Variants in SLC25A20 observed in about 807,000 individuals in gnomAD.
The protein encoded by SLC25A20 is mitochondrial carnitine/acylcarnitine carrier protein.
A neutral mutation model predicts 39.7 loss-of-function variants in SLC25A20; 29 were observed. The ratio of observed to expected loss-of-function variants is 0.73; its 90% CI spans 0.54 to 1.00. The LOEUF (loss-of-function observed/expected upper bound fraction) is 1.00, where lower values mean the gene tolerates loss of function less well. Ranked by LOEUF, SLC25A20 falls within the 50% of genes least tolerant of loss-of-function variation. The pLI is 0.00. For synonymous variants in SLC25A20, 103 were observed against 142.2 expected (o/e 0.72, Z 1.96); for missense variants, 333 against 379.9 (o/e 0.88, Z 1.03).
chr3:48,892,755 T>C (rs2083886436), intron 1 of SLC25A20, among the ~76,000 whole-genome samples: 3 of 152,166 alleles, frequency 2.0e-5, no homozygotes, highest in Non-Finnish European at 4.4e-5. Flanking sequence ...ATTCAAATGT[T>C]AATATCCAAA....
intron 4 of SLC25A20, among the ~76,000 whole-genome samples, chr3:48,877,174 G>C (rs1202353369): frequency 2.0e-5 from 3 of 151,930 alleles, no homozygotes; most frequent in African/African-American, 7.3e-5. Context: ...CAACACTTTG[G>C]GAGGCTGAGT....
chr3:48,859,249 G>T, intron 6 of SLC25A20, 48 bp from the exon 7 acceptor site: 1 of 1,534,508 alleles, frequency 6.5e-7, no homozygotes, highest in South Asian at 1.1e-5. Flanking sequence ...CTGTGAGAGT[G>T]GCATTCAGAC....
chr3:48,875,243 C>G (rs1190553166), intron 4 of SLC25A20, among the ~76,000 whole-genome samples: 1 of 151,414 alleles, frequency 6.6e-6, no homozygotes, highest in African/African-American at 2.4e-5. Context: ...GCTGGGATTA[C>G]AGACGCCTGC....
intron 3 of SLC25A20, among the ~76,000 whole-genome samples, chr3:48,880,483 G>A (rs1398170142): frequency 6.6e-6 from 1 of 150,904 alleles, no homozygotes; most frequent in African/African-American, 2.4e-5. Flanking sequence ...CACTATGTTA[G>A]CTAAGATGGT....
At chr3:48,873,258 G>A (rs961758344) in intron 4 of SLC25A20, among the ~76,000 whole-genome samples, 3 of 151,688 alleles carry the variant, frequency 2.0e-5, no homozygotes, top group South Asian at 4.2e-4. Context: ...GGTGGCTCAC[G>A]CCTGTAGTCC....
At chr3:48,887,071 A>G (rs1245843597) in intron 2 of SLC25A20, among the ~76,000 whole-genome samples, 1 of 152,206 alleles carries the variant, frequency 6.6e-6, no homozygotes, top group Non-Finnish European at 1.5e-5. Context: ...AGAACAAAGT[A>G]CAGAGGCAGT....
intron 2 of SLC25A20, among the ~76,000 whole-genome samples, chr3:48,885,697 G>C (rs192578682): frequency 6.6e-6 from 1 of 152,232 alleles, no homozygotes; most frequent in African/African-American, 2.4e-5. Flanking sequence ...CAGCTACTCA[G>C]GAGCTGAGGC....
At position 48,859,077 on chromosome 3, in the gene SLC25A20, C is replaced by G; in HGVS notation, c.718+15G>C. On this transcript the variant is annotated intron_variant, in intron 7 of 8. Coordinates refer to ENST00000319017, the MANE Select transcript of SLC25A20 (RefSeq NM_000387.6). ...ACCCACTCTCCCCCTGTCCACCCCA[C>G]TACCTTCCACTCACCAGTCTGGAAT... is the stretch of plus-strand genomic sequence containing the variant. 6.2e-7 allele frequency: 1 copy of G among 1,608,912 alleles called. No individual in the cohort carries two copies. Among genetic ancestry groups the G allele is most frequent in the Non-Finnish European group, 8.5e-7 (1 of 1,175,638 alleles).
chr3:48,859,309 G>A (rs764549644), intron 6 of SLC25A20, 108 bp from the exon 7 acceptor site: 1 of 1,011,788 alleles, frequency 9.9e-7, no homozygotes, highest in Non-Finnish European at 1.5e-6. Context: ...GAAACTGGTT[G>A]GAGGGAGGAG....
At chr3:48,897,188 GT>G (rs2083915782) in intron 1 of SLC25A20, among the ~76,000 whole-genome samples, 1 of 150,184 alleles carries the variant, frequency 6.7e-6, no homozygotes, top group Non-Finnish European at 1.5e-5. Flanking sequence ...GCAATTTGTG[GT>G]TTTGGTTTAA....
chr3:48,875,195 C>T (rs2083746546), intron 4 of SLC25A20, among the ~76,000 whole-genome samples: 2 of 151,944 alleles, frequency 1.3e-5, no homozygotes, highest in South Asian at 4.2e-4. Context: ...CCTTCACCTC[C>T]CGGGTTCAAG....
intron 2 of SLC25A20, 109 bp from the exon 3 acceptor site, chr3:48,884,233 T>C (rs942261318): frequency 3.6e-6 from 5 of 1,385,330 alleles, no homozygotes; most frequent in Non-Finnish European, 2.0e-6. Flanking sequence ...TCACCTCTTC[T>C]TGAAGCAAGG....
At chr3:48,875,869 C>T (rs1438307013) in intron 4 of SLC25A20, among the ~76,000 whole-genome samples, 3 of 151,974 alleles carry the variant, frequency 2.0e-5, no homozygotes, top group African/African-American at 7.3e-5. Context: ...ATAAACAAAA[C>T]TAGCAGGGCA....
At chr3:48,868,143 C>T (rs1398101678) in intron 4 of SLC25A20, among the ~76,000 whole-genome samples, 1 of 151,370 alleles carries the variant, frequency 6.6e-6, no homozygotes, top group Non-Finnish European at 1.5e-5. Context: ...CTGGTGAAAT[C>T]CTCTTCTGAT....
chr3:48,889,689 G>A (rs928728818), intron 2 of SLC25A20, among the ~76,000 whole-genome samples: 5 of 152,026 alleles, frequency 3.3e-5, no homozygotes, highest in Non-Finnish European at 5.9e-5. Flanking sequence ...CCTAGGTGCC[G>A]AGGCAACAGA....
At chr3:48,864,754 A>G (rs1411146222) in intron 4 of SLC25A20, among the ~76,000 whole-genome samples, 1 of 152,180 alleles carries the variant, frequency 6.6e-6, no homozygotes, top group African/African-American at 2.4e-5. Context: ...ACAGACTATA[A>G]GAAGGGAAAC....
At chr3:48,858,191 C>A (rs1162323635) in intron 8 of SLC25A20, among the ~76,000 whole-genome samples, 1 of 152,044 alleles carries the variant, frequency 6.6e-6, no homozygotes, top group Non-Finnish European at 1.5e-5. Flanking sequence ...TGGTCTCAAA[C>A]TCCTGACCTC....
chr3:48,862,154 C>T (rs2083632440), intron 5 of SLC25A20, among the ~76,000 whole-genome samples: 1 of 152,196 alleles, frequency 6.6e-6, no homozygotes, highest in African/African-American at 2.4e-5. Flanking sequence ...CTCTAAGCTG[C>T]CAGCTCAGGA....
intron 4 of SLC25A20, among the ~76,000 whole-genome samples, chr3:48,864,601 A>AT (rs2083652471): frequency 6.6e-6 from 1 of 151,644 alleles, no homozygotes; most frequent in Non-Finnish European, 1.5e-5. Flanking sequence ...GTATCCAGAC[A>AT]TATGTACCTG....
Sources: allele counts gnomAD v4.1 joint callset (sites outside exome capture counted in the v4.1 genomes callset), GRCh38; gene constraint gnomAD v4.1.1; transcripts MANE v1.5; gene names NCBI Gene and HGNC (gene_info 2026-07-23, HGNC 2026-07-21).